PTPRN2: variants seen among roughly 807,000 people sequenced by gnomAD.
The protein encoded by PTPRN2 is receptor-type tyrosine-protein phosphatase N2.
A neutral mutation model predicts 118.8 loss-of-function variants in PTPRN2; 74 were observed. That is an observed-to-expected ratio of 0.62 (90% CI 0.52 to 0.76). The LOEUF (loss-of-function observed/expected upper bound fraction) is 0.76. PTPRN2 is among the 30% of genes least tolerant of loss of function. PTPRN2 has a pLI of 0.00. For missense variants in PTPRN2, 1,481 were observed against 1,394.4 expected (o/e 1.06, Z -0.99); for synonymous variants, 641 against 608.0 (o/e 1.05, Z -0.80).
chr7:158,327,422 TTC>T (rs1025343503), intron 2 of PTPRN2, among the ~76,000 whole-genome samples: 1 of 146,812 alleles, frequency 6.8e-6, no homozygotes, highest in African/African-American at 2.5e-5. Context: ...CATGTACACG[TTC>T]TCACACACAT....
At chr7:158,511,219 T>C (rs770891591) in intron 1 of PTPRN2, among the ~76,000 whole-genome samples, 5 of 152,100 alleles carry the variant, frequency 3.3e-5, no homozygotes, top group Non-Finnish European at 5.9e-5. Context: ...CCTCAAAATG[T>C]CGAGAGGCAG....
intron 2 of PTPRN2, among the ~76,000 whole-genome samples, chr7:158,359,142 C>T (rs1056398999): frequency 1.3e-5 from 2 of 152,146 alleles, no homozygotes; most frequent in Non-Finnish European, 2.9e-5. Context: ...CCATGGCCGG[C>T]GAGTCCCTGC....
chr7:157,730,428 G>A (rs1009388184), intron 12 of PTPRN2, among the ~76,000 whole-genome samples: 1 of 152,216 alleles, frequency 6.6e-6, no homozygotes, highest in African/African-American at 2.4e-5. Context: ...AGCAGCTTAA[G>A]CCCCTGAGCC....
Position 158,117,445 on chromosome 7 carries a change from A to G in PTPRN2, c.1557-6530T>C, listed in dbSNP as rs111692552. ...GGGATACCACTAAGAGAACCAGTAT[A>G]TGAATTGTGAGAGGAAATTGTGCCC... is the stretch of plus-strand genomic sequence containing the variant. On this transcript the variant is annotated intron_variant, in intron 9 of 22. Transcript: ENST00000389418. Among the ~76,000 whole-genome samples, 314 of 152,314 alleles carry G rather than the reference A, an allele frequency of 2.1e-3. 1 individual carries two copies. Among genetic ancestry groups the G allele is most frequent in the African/African-American group, 6.9e-3 (285 of 41,578 alleles).
At chr7:158,216,304 A>G (rs1294447376) in intron 3 of PTPRN2, among the ~76,000 whole-genome samples, 1 of 152,152 alleles carries the variant, frequency 6.6e-6, no homozygotes, top group African/African-American at 2.4e-5. Flanking sequence ...GGAAGAAACA[A>G]AGAAACAAAA....
chr7:158,012,133 G>A (rs558339598), intron 11 of PTPRN2, among the ~76,000 whole-genome samples: 1 of 152,310 alleles, frequency 6.6e-6, no homozygotes, highest in African/African-American at 2.4e-5. Flanking sequence ...TTGGCTGAGA[G>A]AGTCCCACGT....
rs1160328940 is a variant in PTPRN2, at chr7:158,134,076, TC to T, written c.1174-18del. The T allele has an allele frequency of 1.2e-6, 2 of 1,604,756 alleles. No homozygotes were observed. The highest frequency in any genetic ancestry group is 4.5e-5 in the East Asian group (2 of 44,698). On this transcript the variant is annotated intron_variant, in intron 8 of 22. Transcript: ENST00000389418. ...ACGATGGACCTGACAGAGAGGACAT[TC>T]CGTGAGGGACGTCTGCGAAAGGAAT...
In PTPRN2 at chr7:157,846,454, C is replaced by T. The variant is rs6459815; in HGVS notation, c.1788+52219G>A. ...CTCTGAACCAACCACCGAGAAACAC[C>T]CTTTCCCCTCCCCTGGGTGATACTA... On this transcript the variant is annotated intron_variant, in intron 12 of 22. Transcript: ENST00000389418. 7.4e-3 allele frequency among the ~76,000 whole-genome samples: 1,125 copies of T among 152,160 alleles called. 10 individuals are homozygous for T. Among genetic ancestry groups the T allele is most frequent in the African/African-American group, 0.025 (1,043 of 41,504 alleles).
At chr7:157,741,200 C>T (rs1800616238) in intron 12 of PTPRN2, among the ~76,000 whole-genome samples, 1 of 152,226 alleles carries the variant, frequency 6.6e-6, no homozygotes, top group Non-Finnish European at 1.5e-5. Flanking sequence ...AGCACCTTTC[C>T]TGGGACTTGA....
Position 157,881,817 on chromosome 7 carries a change from A to T in PTPRN2, c.1788+16856T>A, listed in dbSNP as rs138478817. ...ACAACCCTAATTAGACTTTTAATAG[A>T]TCCTTTGTTTCACAGGAATGAAAGT... is the stretch of plus-strand genomic sequence containing the variant. On this transcript the variant is annotated intron_variant, in intron 12 of 22. Coordinates refer to ENST00000389418, the MANE Select transcript of PTPRN2 (RefSeq NM_002847.5). This position sits in a 1 kb window ranked among gnomAD's most constrained non-coding sequence, Gnocchi z 4.7. 4.3e-3 allele frequency among the ~76,000 whole-genome samples: 658 copies of T among 152,248 alleles called. 3 individuals are homozygous for T. The highest frequency in any genetic ancestry group is 0.012 in the African/African-American group (481 of 41,534).
chr7:158,257,585 T>A (rs937485747), intron 3 of PTPRN2, among the ~76,000 whole-genome samples: 3 of 152,048 alleles, frequency 2.0e-5, no homozygotes, highest in Non-Finnish European at 4.4e-5. Flanking sequence ...AGCCCCCAGT[T>A]GGGTGAGCAA....
At chr7:158,387,575 T>TAATG (rs61116708) in intron 2 of PTPRN2, among the ~76,000 whole-genome samples, 1 of 150,834 alleles carries the variant, frequency 6.6e-6, no homozygotes, top group East Asian at 1.9e-4. Flanking sequence ...CCCTGTCAGC[T>TAATG]CAGCTTGGCC....
intron 3 of PTPRN2, among the ~76,000 whole-genome samples, chr7:158,309,010 G>A (rs1355749904): frequency 2.6e-5 from 4 of 152,118 alleles, no homozygotes; most frequent in Non-Finnish European, 5.9e-5. Context: ...AAAAGCCCAT[G>A]GTCAGATGGC....
chr7:157,659,700 TA>T (rs1795799288), intron 13 of PTPRN2, among the ~76,000 whole-genome samples: 1 of 151,994 alleles, frequency 6.6e-6, no homozygotes, highest in Non-Finnish European at 1.5e-5. Flanking sequence ...CAAAGCAAAA[TA>T]AACAAACAAA....
At chr7:157,749,342 C>T (rs1207734103) in intron 12 of PTPRN2, among the ~76,000 whole-genome samples, 11 of 135,016 alleles carry the variant, frequency 8.1e-5, no homozygotes, top group Non-Finnish European at 7.8e-5. Context: ...AGGCCTGCGT[C>T]CCTGAGCTAC....
chr7:158,100,878 G>A (rs537555099), intron 10 of PTPRN2, among the ~76,000 whole-genome samples: 8 of 152,136 alleles, frequency 5.3e-5, no homozygotes, highest in Non-Finnish European at 7.4e-5. Context: ...CACAGATGAC[G>A]CAAACAAATG....
At chr7:158,584,672 G>A (rs1212890186) in intron 1 of PTPRN2, among the ~76,000 whole-genome samples, 1 of 152,202 alleles carries the variant, frequency 6.6e-6, no homozygotes, top group Non-Finnish European at 1.5e-5. Flanking sequence ...GGGGAAAAGA[G>A]AGGAAGCAGT....
At position 158,516,928 on chromosome 7, in the gene PTPRN2, T is replaced by G. The variant is rs375323193; in HGVS notation, c.113-27143A>C. Among the ~76,000 whole-genome samples the G allele has an allele frequency of 6.4e-4, 98 of 152,332 alleles. 1 individual carries two copies. In the South Asian group the frequency reaches 0.02, roughly 31 times the overall value. ...CTGTTCTTGGTGTTTCTGCTATTCC[T>G]GTAACCTGCAAGGCTTTTCTCCACA... On this transcript the variant is annotated intron_variant, in intron 1 of 22. Coordinates refer to ENST00000389418, the MANE Select transcript of PTPRN2 (RefSeq NM_002847.5).
At chr7:157,679,682 C>T (rs916436395) in intron 13 of PTPRN2, among the ~76,000 whole-genome samples, 7 of 152,146 alleles carry the variant, frequency 4.6e-5, no homozygotes, top group African/African-American at 1.7e-4. Context: ...GGTCCCAAGC[C>T]CAGGCTCTGA....
Sources: allele counts gnomAD v4.1 joint callset (sites outside exome capture counted in the v4.1 genomes callset), GRCh38; gene constraint gnomAD v4.1.1; non-coding constraint Gnocchi (gnomAD v3.1); transcripts MANE v1.5; gene names NCBI Gene and HGNC (gene_info 2026-07-23, HGNC 2026-07-21).